Variants in KLK15 observed in about 807,000 individuals in gnomAD.
The protein encoded by KLK15 is kallikrein-15.
KLK15 carries 19 observed loss-of-function variants against 21.1 expected under a neutral mutation model. The observed-to-expected ratio is 0.90, with a 90% CI of 0.63 to 1.32. The LOEUF (loss-of-function observed/expected upper bound fraction) is 1.32, where lower values mean the gene tolerates loss of function less well. KLK15 is among the 40% of genes most tolerant of loss of function. KLK15 has a pLI of 0.00. For synonymous variants in KLK15, 141 were observed against 141.5 expected (o/e 1.00, Z 0.03); for missense variants, 345 against 348.6 (o/e 0.99, Z 0.08).
chr19:50,832,480 G>A (rs1237781855), upstream of KLK15, among the ~76,000 whole-genome samples: 1 of 151,588 alleles, frequency 6.6e-6, no homozygotes, highest in South Asian at 2.1e-4. Flanking sequence ...GTGCCACCAC[G>A]CCCAGCTAAT....
At position 50,827,891 on chromosome 19, in the gene KLK15, T is replaced by C; in HGVS notation, c.44-76A>G. ...CCTACACCTTCCTTGCACCCTGCCC[T>C]AACTACTATATGCCTATGCCTTTCC... On this transcript the variant is annotated intron_variant, in intron 1 of 4. Transcript: ENST00000598239. 3 of 1,385,976 alleles carry C rather than the reference T, an allele frequency of 2.2e-6. No homozygotes were observed. In the South Asian group the frequency reaches 3.6e-5, roughly 17 times the overall value. The allele number at this position is 1,385,976 out of a possible 1,614,324, so 85.9% of individuals were successfully genotyped here.
In KLK15 at chr19:50,825,968, T is replaced by A; in HGVS notation, c.619-20A>T. The A allele has an allele frequency of 1.2e-6, 2 of 1,603,380 alleles. No homozygotes were observed. The highest frequency in any genetic ancestry group is 2.2e-5 in the East Asian group (1 of 44,582). The stretch of plus-strand genomic sequence containing the variant: ...GTCACCCTGTGGGGAAAAGAGGGGG[T>A]CTCAGGTTGAGTGAAACCTCCTGGA... On this transcript the variant is annotated intron_variant, in intron 4 of 4. Coordinates refer to ENST00000598239, the Ensembl canonical transcript of KLK15.
At chr19:50,830,661 G>A (rs1348908992) in intron 1 of KLK15, 1 of 175,806 alleles carries the variant, frequency 5.7e-6, no homozygotes, top group Non-Finnish European at 1.1e-5. Flanking sequence ...GAACGTTAAT[G>A]AAAGTCCACC....
rs1599952378 is a variant in KLK15 at position 50,827,753 on chromosome 19, GC to G, written c.105del (p.Trp35CysfsTer34). 6.2e-7 allele frequency: 1 copy of G among 1,610,902 alleles called. No individual in the cohort carries two copies. The highest frequency in any genetic ancestry group is 2.2e-5 in the East Asian group (1 of 44,886). On this transcript the variant is annotated frameshift_variant, in exon 2 of 5. Transcript: ENST00000598239. LOFTEE classifies it high-confidence loss of function. ...CGTCCACGCTCGTAGAGAGCCACTT[GC>G]CATGGCTGGGAGTGGGGTGCACACT...
chr19:50,826,928 C>T (rs1193327810), exon 3 of KLK15: 1 of 1,587,556 alleles, frequency 6.3e-7, no homozygotes, highest in Admixed American at 1.7e-5. Flanking sequence ...GGACACCAGG[C>T]CCCAGCCAGA....
chr19:50,827,647 C>T lies in KLK15; in HGVS notation c.197+15G>A. The T allele has an allele frequency of 3.1e-6, 5 of 1,609,018 alleles. No homozygotes were observed. In the South Asian group the frequency reaches 5.5e-5, roughly 18 times the overall value. The stretch of plus-strand genomic sequence containing the variant: ...AACCAGGCTCCCTCAGGACCCTGAG[C>T]CCCTGCCTTCATACCGGCTTTGGCA... On this transcript the variant is annotated intron_variant, in intron 2 of 4. Transcript: ENST00000598239.
At chr19:50,832,113 G>T (rs1426523358), upstream of KLK15, among the ~76,000 whole-genome samples, 1 of 111,538 alleles carries the variant, frequency 9.0e-6, no homozygotes, top group Non-Finnish European at 1.9e-5. Flanking sequence ...GAGCCACCGC[G>T]CCTGGTCTAT....
Position 50,827,170 on chromosome 19 carries a change from G to A in KLK15, c.198-9C>T, listed in dbSNP as rs1457890896. Reference sequence around the variant, plus strand: ...GGCGCACTCTCATGAAGCTGTGCGGGCGAGTGGTTTTCCCGCCAGTGGAGT... The same window carrying A: ...GGCGCACTCTCATGAAGCTGTGCGGACGAGTGGTTTTCCCGCCAGTGGAGT... On this transcript the variant is annotated splice_polypyrimidine_tract_variant and intron_variant, in intron 2 of 4. Coordinates refer to ENST00000598239, the Ensembl canonical transcript of KLK15. 6 of 1,563,156 alleles carry A rather than the reference G, an allele frequency of 3.8e-6. No individual in the cohort carries two copies. The highest frequency in any genetic ancestry group is 1.3e-5 in the African/African-American group (1 of 74,408).
intron 1 of KLK15, among the ~76,000 whole-genome samples, chr19:50,828,779 C>A (rs2089928009): frequency 6.6e-6 from 1 of 151,114 alleles, no homozygotes; most frequent in African/African-American, 2.4e-5. Flanking sequence ...ACCAGCCTGG[C>A]CAATATGGGG....
chr19:50,826,558 T>A, intron 4 of KLK15, 63 bp downstream of exon 5: 1 of 1,504,302 alleles, frequency 6.6e-7, no homozygotes, highest in Non-Finnish European at 8.8e-7. Flanking sequence ...TCCAACCCCA[T>A]CCGGACTCCC....
chr19:50,825,755 G>GT lies in KLK15; in HGVS notation c.*40_*41insA, dbSNP rs777657905. The GT allele has an allele frequency of 2.6e-5, 42 of 1,590,726 alleles. No homozygotes were observed. The South Asian group carries it at 4.6e-4, about 17-fold the overall frequency. The stretch of plus-strand genomic sequence containing the variant: ...GCGGGGCTGCTGGCCAGCTGTGGGG[G>GT]CTTCTGCTCAGTCAGGGGCACAGGA... On this transcript the variant is annotated 3_prime_UTR_variant, in exon 5 of 5. Transcript: ENST00000598239.
At chr19:50,826,733 C>A in exon 4 of KLK15, 1 of 1,613,532 alleles carries the variant, frequency 6.2e-7, no homozygotes, top group Non-Finnish European at 8.5e-7. Context: ...GATGTTGGCA[C>A]AATGCAACGT....
intron 1 of KLK15, among the ~76,000 whole-genome samples, chr19:50,829,055 TACAC>T (rs1226551292): frequency 1.1e-5 from 1 of 91,868 alleles, no homozygotes; most frequent in Non-Finnish European, 2.6e-5. Flanking sequence ...CATGAATACA[TACAC>T]ACACACACAT....
intron 1 of KLK15, among the ~76,000 whole-genome samples, chr19:50,829,346 G>A (rs2089942363): frequency 6.6e-6 from 1 of 151,738 alleles, no homozygotes; most frequent in Admixed American, 6.6e-5. Flanking sequence ...TATGGTGAGT[G>A]ATACCTAGCC....
chr19:50,829,648 A>G (rs2123416354), intron 1 of KLK15, among the ~76,000 whole-genome samples: 1 of 151,688 alleles, frequency 6.6e-6, no homozygotes, highest in Middle Eastern at 3.4e-3. Flanking sequence ...AAATAAATAA[A>G]TAAATAAATA....
upstream of KLK15, chr19:50,831,558 G>T: frequency 2.3e-6 from 3 of 1,301,032 alleles, no homozygotes; most frequent in Non-Finnish European, 3.1e-6. Flanking sequence ...GGTGAGGCAG[G>T]ACCCTTCTGC....
chr19:50,830,928 C>T (rs2089974594), intron 1 of KLK15, among the ~76,000 whole-genome samples: 1 of 152,316 alleles, frequency 6.6e-6, no homozygotes, highest in Non-Finnish European at 1.5e-5. Context: ...GCTTCTGCCT[C>T]ACACACAACC....
chr19:50,826,817 C>A (rs2089887237), intron 3 of KLK15, 60 bp from the exon 5 acceptor site: 2 of 1,577,192 alleles, frequency 1.3e-6, no homozygotes, highest in Non-Finnish European at 1.7e-6. Flanking sequence ...CCCCTCCGCC[C>A]AAGAGCCCTG....
At chr19:50,826,343 G>A (rs140997667) in intron 4 of KLK15, 12 of 460,796 alleles carry the variant, frequency 2.6e-5, no homozygotes, top group Admixed American at 1.6e-4. Flanking sequence ...CAACCCTGAC[G>A]TATTTCCCAC....
Sources: gnomAD v4.1 joint callset for allele counts (sites outside exome capture counted in the v4.1 genomes callset) on GRCh38, gnomAD v4.1.1 for gene constraint, MANE v1.5 for transcripts, NCBI Gene and HGNC (gene_info 2026-07-23, HGNC 2026-07-21) for gene names.